ADAMTS12: variants seen among roughly 807,000 people sequenced by gnomAD.
ADAMTS12 encodes ADAM metallopeptidase with thrombospondin type 1 motif 12.
ADAMTS12 carries 118 observed loss-of-function variants against 167.8 expected under a neutral mutation model. The ratio of observed to expected loss-of-function variants is 0.70; its 90% CI spans 0.61 to 0.82. ADAMTS12 has a LOEUF of 0.82. Ranked by LOEUF, ADAMTS12 falls within the 40% of genes least tolerant of loss-of-function variation. The pLI, the probability that ADAMTS12 is intolerant of heterozygous loss-of-function variation, is 0.00. For missense variants in ADAMTS12, 1,916 were observed against 1,998.8 expected (o/e 0.96, Z 0.79); for synonymous variants, 704 against 716.9 (o/e 0.98, Z 0.29).
At chr5:33,705,723 C>A (rs375563943) in intron 3 of ADAMTS12, among the ~76,000 whole-genome samples, 7 of 152,018 alleles carry the variant, frequency 4.6e-5, no homozygotes, top group African/African-American at 1.7e-4. Context: ...GCAGCAGAAT[C>A]GCTTGAACCT....
intron 1 of ADAMTS12, among the ~76,000 whole-genome samples, chr5:33,885,861 C>T (rs2111795442): frequency 6.6e-6 from 1 of 152,266 alleles, no homozygotes; most frequent in African/African-American, 2.4e-5. Flanking sequence ...TAGCAGGAGG[C>T]AAGGATGTGA....
chr5:33,751,392 G>C lies in ADAMTS12; in HGVS notation c.634+12C>G. ...GATTCTTCAACCCAGGAGGACATGT[G>C]AGTCACAATACCCTTTAATCCACAG... On this transcript the variant is annotated intron_variant, in intron 3 of 23. Transcript: ENST00000504830. 2 of 1,614,102 alleles carry C rather than the reference G, an allele frequency of 1.2e-6. No homozygotes were observed. The highest frequency in any genetic ancestry group is 1.7e-6 in the Non-Finnish European group (2 of 1,180,012).
intron 3 of ADAMTS12, among the ~76,000 whole-genome samples, chr5:33,708,817 G>T (rs114399615): frequency 6.6e-5 from 10 of 151,934 alleles, no homozygotes; most frequent in African/African-American, 2.4e-4. Flanking sequence ...ACAAGAAGAG[G>T]GATAGCATTA....
chr5:33,809,100 A>C (rs1185505349), intron 2 of ADAMTS12, among the ~76,000 whole-genome samples: 2 of 152,062 alleles, frequency 1.3e-5, no homozygotes. Context: ...CTTTGCTTGA[A>C]ATTGTTTTTG....
intron 2 of ADAMTS12, among the ~76,000 whole-genome samples, chr5:33,797,497 G>C (rs1349110292): frequency 6.7e-6 from 1 of 150,204 alleles, no homozygotes; most frequent in Non-Finnish European, 1.5e-5. Context: ...GGGATCCAGA[G>C]GGACACAGCG....
chr5:33,592,832 T>C (rs1747714016), intron 17 of ADAMTS12, among the ~76,000 whole-genome samples: 2 of 152,160 alleles, frequency 1.3e-5, no homozygotes, highest in African/African-American at 4.8e-5. Context: ...GGAAAGGAAA[T>C]GACAGCTCCC....
chr5:33,727,468 C>T (rs945514944), intron 3 of ADAMTS12, among the ~76,000 whole-genome samples: 2 of 152,222 alleles, frequency 1.3e-5, no homozygotes, highest in Non-Finnish European at 2.9e-5. Context: ...GAAGCATTAG[C>T]TTTACAGACT....
intron 2 of ADAMTS12, among the ~76,000 whole-genome samples, chr5:33,762,338 C>G (rs1367597928): frequency 6.6e-6 from 1 of 151,696 alleles, no homozygotes; most frequent in Non-Finnish European, 1.5e-5. Context: ...GAAACCCTGT[C>G]TCTACTAAAA....
rs536309445 is a variant in ADAMTS12, at chr5:33,769,803, G to A, written c.490-18255C>T. ...ATTGTACCCTGATGTGAGACCTTAC[G>A]CAAGTCACCAAATTTTTGGGGTCTC... On this transcript the variant is annotated intron_variant, in intron 2 of 23. Coordinates refer to ENST00000504830, the MANE Select transcript of ADAMTS12 (RefSeq NM_030955.4). Among the ~76,000 whole-genome samples the A allele has an allele frequency of 1.8e-4, 28 of 152,284 alleles. No homozygotes were observed. In the Middle Eastern group the frequency reaches 0.01, roughly 55 times the overall value.
At chr5:33,731,149 A>C in intron 3 of ADAMTS12, among the ~76,000 whole-genome samples, 1 of 152,240 alleles carries the variant, frequency 6.6e-6, no homozygotes, top group South Asian at 2.1e-4. Context: ...TGAATTAATA[A>C]ATTCCAGTTT....
chr5:33,780,295 T>C (rs1322304790), intron 2 of ADAMTS12, among the ~76,000 whole-genome samples: 1 of 152,224 alleles, frequency 6.6e-6, no homozygotes, highest in Non-Finnish European at 1.5e-5. Flanking sequence ...AGATGAGTTA[T>C]ACAATTCTTA....
In ADAMTS12 at chr5:33,624,291, G is replaced by C. The variant is rs1225647482; in HGVS notation, c.2083C>G (p.Leu695Val). The C allele has an allele frequency of 2.5e-6, 4 of 1,613,914 alleles. No homozygotes were observed. Among genetic ancestry groups the C allele is most frequent in the Non-Finnish European group, 3.4e-6 (4 of 1,179,970 alleles). Residue 695 changes from leucine to valine, a missense_variant, in exon 14 of 24, where the codon CTG becomes GTG. Coordinates refer to ENST00000504830, the MANE Select transcript of ADAMTS12 (RefSeq NM_030955.4). ...NATEDRCGVC[L>V]GDGSSCQTVR... Reference sequence around the variant, plus strand: ...GTCTGGCAGGAAGAGCCATCTCCCAGGCACACACCGCAGCGATCCTCGGTG... The same window carrying C: ...GTCTGGCAGGAAGAGCCATCTCCCACGCACACACCGCAGCGATCCTCGGTG...
intron 18 of ADAMTS12, among the ~76,000 whole-genome samples, chr5:33,584,414 C>G (rs529239922): frequency 2.3e-4 from 35 of 151,766 alleles, no homozygotes; most frequent in African/African-American, 8.5e-4. Flanking sequence ...AATCTGTAGG[C>G]CCCAAGCACT....
chr5:33,546,587 C>T (rs1744995868), intron 21 of ADAMTS12, among the ~76,000 whole-genome samples: 1 of 152,162 alleles, frequency 6.6e-6, no homozygotes, highest in African/African-American at 2.4e-5. Flanking sequence ...ATTTAGTCTT[C>T]CTTTTCCACT....
chr5:33,560,568 A>G (rs1201682117), intron 20 of ADAMTS12, among the ~76,000 whole-genome samples: 2 of 152,190 alleles, frequency 1.3e-5, no homozygotes, highest in Non-Finnish European at 2.9e-5. Flanking sequence ...TGGCACATAT[A>G]CACCATGGAA....
At chr5:33,882,209 C>A (rs551587263) in intron 1 of ADAMTS12, among the ~76,000 whole-genome samples, 2 of 152,200 alleles carry the variant, frequency 1.3e-5, no homozygotes. Flanking sequence ...GGAAAAAAAA[C>A]ACAAAATCAT....
At chr5:33,581,929 A>G (rs771236143) in intron 18 of ADAMTS12, among the ~76,000 whole-genome samples, 4 of 152,176 alleles carry the variant, frequency 2.6e-5, no homozygotes, top group Non-Finnish European at 5.9e-5. Context: ...CAAGCCAATG[A>G]GCACCAAAGA....
At chr5:33,877,921 C>T (rs995552818) in intron 2 of ADAMTS12, among the ~76,000 whole-genome samples, 1 of 152,148 alleles carries the variant, frequency 6.6e-6, no homozygotes, top group African/African-American at 2.4e-5. Context: ...CAGGCTTGCA[C>T]CCCAGGAATG....
At chr5:33,881,084 G>A in intron 2 of ADAMTS12, 35 bp downstream of exon 2, 1 of 1,602,122 alleles carries the variant, frequency 6.2e-7, no homozygotes, top group Non-Finnish European at 8.5e-7. Flanking sequence ...CTAGGGGCCA[G>A]GGCAGAGGAA....
Sources: gnomAD v4.1 joint callset for allele counts (sites outside exome capture counted in the v4.1 genomes callset) on GRCh38, gnomAD v4.1.1 for gene constraint, MANE v1.5 for transcripts, NCBI Gene and HGNC (gene_info 2026-07-23, HGNC 2026-07-21) for gene names.